SCN1A: variants seen among roughly 807,000 people sequenced by gnomAD.
SCN1A encodes sodium voltage-gated channel alpha subunit 1.
In SCN1A, 13 loss-of-function variants were observed where a neutral mutation model predicts 193.7. The ratio of observed to expected loss-of-function variants is 0.07; its 90% CI spans 0.04 to 0.11. The LOEUF is 0.11. SCN1A is among the 10% of genes least tolerant of loss of function. The probability of loss-of-function intolerance (pLI) is 1.00; values close to 1 mark genes in which losing one functional copy is unlikely to be tolerated. For missense variants in SCN1A, 1,432 were observed against 2,451.1 expected (o/e 0.58, Z 8.78); for synonymous variants, 781 against 843.6 (o/e 0.93, Z 1.29).
rs1356935618 is a variant in SCN1A at position 166,038,061 on chromosome 2, C to G, written c.2661G>C (p.Val887=). 3.1e-6 allele frequency: 5 copies of G among 1,614,070 alleles called. No homozygotes were observed. Among genetic ancestry groups the G allele is most frequent in the Non-Finnish European group, 3.4e-6 (4 of 1,180,024 alleles). Residue 887 remains valine, a synonymous_variant, in exon 18 of 29, where the codon GTG becomes GTC. Transcript: ENST00000674923. ...CGAGGGTTAAATTTCCCAGAGCCCCCACGGAATTGCCGATGATCTTTATTA... is the reference window on the plus strand; with the variant it reads ...CGAGGGTTAAATTTCCCAGAGCCCCGACGGAATTGCCGATGATCTTTATTA... ...NMLIKIIGNS[V]GALGNLTLVL... is the part of the protein sequence containing the mutation.
chr2:166,079,541 A>C (rs1685283987), intron 2 of SCN1A, among the ~76,000 whole-genome samples: 1 of 150,208 alleles, frequency 6.7e-6, no homozygotes, highest in African/African-American at 2.4e-5. Flanking sequence ...GGTATATTTT[A>C]ACATATGTGA....
chr2:166,074,687 A>G (rs969201412), intron 3 of SCN1A, among the ~76,000 whole-genome samples: 2 of 152,216 alleles, frequency 1.3e-5, no homozygotes, highest in Non-Finnish European at 2.9e-5. Flanking sequence ...AAAATATTCC[A>G]GAGCCTAAGC....
At chr2:166,050,670 G>A (rs1698455860) in intron 9 of SCN1A, among the ~76,000 whole-genome samples, 1 of 87,904 alleles carries the variant, frequency 1.1e-5, no homozygotes, top group Non-Finnish European at 2.6e-5. Flanking sequence ...GTAGAGAAGG[G>A]GTCTCACTAT....
intron 2 of SCN1A, among the ~76,000 whole-genome samples, chr2:166,125,795 C>G (rs1691177655): frequency 6.6e-6 from 1 of 152,094 alleles, no homozygotes; most frequent in African/African-American, 2.4e-5. Flanking sequence ...CTTGCCCCAG[C>G]CCATAGATGG....
chr2:166,140,759 G>A (rs1318731617), intron 1 of SCN1A, among the ~76,000 whole-genome samples: 1 of 151,656 alleles, frequency 6.6e-6, no homozygotes, highest in Non-Finnish European at 1.5e-5. Flanking sequence ...TATTTAATTA[G>A]GTGTTTTTTT....
chr2:166,012,042 T>C (rs561281520), intron 22 of SCN1A, 67 bp downstream of exon 22: 1 of 1,402,862 alleles, frequency 7.1e-7, no homozygotes, highest in Admixed American at 1.7e-5. Flanking sequence ...AGACTCACTA[T>C]TGTAGAATTT....
chr2:166,115,274 G>C (rs1010865547), intron 2 of SCN1A, among the ~76,000 whole-genome samples: 20 of 152,130 alleles, frequency 1.3e-4, no homozygotes, highest in Non-Finnish European at 5.9e-5. Context: ...CAGGAGAATT[G>C]CTTGAACCCA....
At chr2:166,076,061 T>C (rs1684957283) in intron 3 of SCN1A, among the ~76,000 whole-genome samples, 1 of 151,972 alleles carries the variant, frequency 6.6e-6, no homozygotes, top group Admixed American at 6.6e-5. Context: ...CTTGATTTTT[T>C]GATGTGTGGT....
intron 2 of SCN1A, among the ~76,000 whole-genome samples, chr2:166,104,823 C>T (rs1335830031): frequency 6.6e-6 from 1 of 152,202 alleles, no homozygotes; most frequent in African/African-American, 2.4e-5. Flanking sequence ...ACAGCCTTCA[C>T]AGACATTTGT....
chr2:166,072,740 C>T (rs560921092), intron 4 of SCN1A, among the ~76,000 whole-genome samples: 1 of 151,184 alleles, frequency 6.6e-6, no homozygotes, highest in Admixed American at 6.6e-5. Context: ...TATAGTAAAT[C>T]GAATCTGTGG....
intron 2 of SCN1A, among the ~76,000 whole-genome samples, chr2:166,102,502 AAAAAAAAAAAAAG>A (rs1688206508): frequency 7.7e-6 from 1 of 130,550 alleles, no homozygotes; most frequent in Non-Finnish European, 1.7e-5. Flanking sequence ...TTACATCTCA[AAAAAAAAAAAAAG>A]AAAAAAAAGA....
intron 19 of SCN1A, among the ~76,000 whole-genome samples, chr2:166,026,822 T>C (rs1218175399): frequency 1.3e-5 from 2 of 151,704 alleles, no homozygotes; most frequent in Non-Finnish European, 2.9e-5. Context: ...TAGCTGGGAC[T>C]ACAGGTGCCC....
intron 17 of SCN1A, 74 bp downstream of exon 17, chr2:166,039,349 T>C: frequency 6.8e-7 from 1 of 1,479,566 alleles, no homozygotes; most frequent in Non-Finnish European, 9.3e-7. Flanking sequence ...GCAAAAAAAC[T>C]ATGACATTGC....
At chr2:166,038,252 G>C in intron 17 of SCN1A, 120 bp from the exon 18 acceptor site, 1 of 802,300 alleles carries the variant, frequency 1.2e-6, no homozygotes, top group South Asian at 2.0e-5. Flanking sequence ...TGCCCTAACC[G>C]TCTCAGGCTC....
intron 27 of SCN1A, 45 bp from the exon 28 acceptor site, chr2:165,994,461 A>T (rs112012970): frequency 6.3e-7 from 1 of 1,575,394 alleles, no homozygotes; most frequent in South Asian, 1.1e-5. Flanking sequence ...GAGTTTTCTC[A>T]TGTGCATTAG....
intron 21 of SCN1A, 115 bp from the exon 22 acceptor site, chr2:166,012,397 C>T (rs750726673): frequency 1.1e-5 from 9 of 797,726 alleles, no homozygotes; most frequent in Non-Finnish European, 1.8e-5. Context: ...GGCAGAGAAA[C>T]AGTAGTTACT....
chr2:166,011,698 G>A (rs533791722), intron 22 of SCN1A, among the ~76,000 whole-genome samples: 1 of 151,094 alleles, frequency 6.6e-6, no homozygotes, highest in African/African-American at 2.4e-5. Flanking sequence ...GTACAAGTTG[G>A]GGGTCAAGAG....
At chr2:166,044,435 A>G (rs554687067) in intron 13 of SCN1A, among the ~76,000 whole-genome samples, 11 of 152,264 alleles carry the variant, frequency 7.2e-5, no homozygotes, top group Non-Finnish European at 1.3e-4. Context: ...CTTGGTTTTT[A>G]TGGATCTTGT....
At chr2:166,102,904 T>C (rs1688264437) in intron 2 of SCN1A, among the ~76,000 whole-genome samples, 1 of 152,128 alleles carries the variant, frequency 6.6e-6, no homozygotes, top group Admixed American at 6.5e-5. Context: ...TGAAGCAACA[T>C]GGGTGCTTCA....
Sources: allele counts gnomAD v4.1 joint callset (sites outside exome capture counted in the v4.1 genomes callset), GRCh38; gene constraint gnomAD v4.1.1; transcripts MANE v1.5; gene names NCBI Gene and HGNC (gene_info 2026-07-23, HGNC 2026-07-21).